Variants in AGAP3 observed in about 807,000 individuals in gnomAD.
AGAP3 encodes ArfGAP with GTPase domain, ankyrin repeat and PH domain 3.
Under a neutral mutation model 96.9 loss-of-function variants are expected in AGAP3, and 24 were observed. The ratio of observed to expected loss-of-function variants is 0.25; its 90% CI spans 0.18 to 0.35. The LOEUF (loss-of-function observed/expected upper bound fraction) is 0.35. Ranked by LOEUF, AGAP3 falls within the 10% of genes least tolerant of loss-of-function variation. AGAP3 has a pLI of 1.00. For synonymous variants in AGAP3, 563 were observed against 536.1 expected (o/e 1.05, Z -0.69); for missense variants, 876 against 1,254.2 (o/e 0.70, Z 4.55).
Position 151,118,415 on chromosome 7 carries a change from G to A in AGAP3, c.841+71G>A. The A allele has an allele frequency of 6.3e-7, 1 of 1,596,634 alleles. No homozygotes were observed. The highest frequency in any genetic ancestry group is 2.2e-5 in the East Asian group (1 of 44,490). ...TGCTGGCGATAGGAAGGCTCCCAGTGAGAGCAAGGCTGTGTGTCTGGGGGG... is the reference window on the plus strand; with the variant it reads ...TGCTGGCGATAGGAAGGCTCCCAGTAAGAGCAAGGCTGTGTGTCTGGGGGG... On this transcript the variant is annotated intron_variant, in intron 6 of 17. Transcript: ENST00000397238. The surrounding 1 kb of genome is among the most constrained non-coding windows in gnomAD (Gnocchi z 6.1).
At chr7:151,110,297 G>C (rs778569264) in intron 1 of AGAP3, among the ~76,000 whole-genome samples, 2 of 152,210 alleles carry the variant, frequency 1.3e-5, no homozygotes, top group Admixed American at 6.5e-5. Context: ...CTGTTGTGGG[G>C]GCACTTGCTG....
At chr7:151,089,314 C>T (rs920100580) in intron 1 of AGAP3, among the ~76,000 whole-genome samples, 20 of 152,238 alleles carry the variant, frequency 1.3e-4, no homozygotes, top group African/African-American at 3.9e-4. Context: ...ACTCCCTGGG[C>T]GTTTCCGAGC....
At position 151,114,623 on chromosome 7, in the gene AGAP3, G is replaced by C; in HGVS notation, c.332-2170G>C. On this transcript the variant is annotated intron_variant, in intron 1 of 17. Coordinates refer to ENST00000397238, the MANE Select transcript of AGAP3 (RefSeq NM_031946.7). This position sits in a 1 kb window ranked among gnomAD's most constrained non-coding sequence, Gnocchi z 4.4. ...CGGCCTCTCCAGGTCTGGGCTTGCC[G>C]GCCGCGAGGTGGAGGAGTTGAGGGA... The C allele has an allele frequency of 1.3e-6, 1 of 779,288 alleles. No individual in the cohort carries two copies. The highest frequency in any genetic ancestry group is 5.8e-5 in the South Asian group (1 of 17,258). The allele number at this position is 779,288 out of a possible 1,614,324, so 48.3% of individuals were successfully genotyped here.
At chr7:151,128,905 C>T (rs527474875) in intron 10 of AGAP3, among the ~76,000 whole-genome samples, 7 of 152,324 alleles carry the variant, frequency 4.6e-5, no homozygotes, top group Middle Eastern at 3.4e-3. Context: ...GCTGTATATC[C>T]GACTTTCCAG....
At chr7:151,130,825 C>T (rs1173834445) in intron 10 of AGAP3, among the ~76,000 whole-genome samples, 4 of 152,008 alleles carry the variant, frequency 2.6e-5, no homozygotes, top group Admixed American at 6.5e-5. Flanking sequence ...CCACCACCCC[C>T]GCCACACTTT....
At chr7:151,099,199 C>T (rs1469214980) in intron 1 of AGAP3, among the ~76,000 whole-genome samples, 4 of 151,660 alleles carry the variant, frequency 2.6e-5, no homozygotes, top group South Asian at 2.1e-4. Context: ...AAAAATTAGC[C>T]GGGCATGGTG....
rs949954266 is a variant in AGAP3, at chr7:151,087,148, G to C, written c.331+76G>C. ...GCCGGCCGAGGGCTCCACAGGCCGT[G>C]CCTGGCCATGCTCTCCCTGTCGGGG... On this transcript the variant is annotated intron_variant, in intron 1 of 17. Transcript: ENST00000397238. 7.6e-6 allele frequency: 11 copies of C among 1,447,754 alleles called. No homozygotes were observed. The African/African-American group carries it at 1.6e-4, about 20-fold the overall frequency. The allele number at this position is 1,447,754 out of a possible 1,614,324, so 89.7% of individuals were successfully genotyped here.
At chr7:151,101,952 G>C (rs964138765) in intron 1 of AGAP3, among the ~76,000 whole-genome samples, 1 of 152,202 alleles carries the variant, frequency 6.6e-6, no homozygotes, top group Non-Finnish European at 1.5e-5. Context: ...CTGAACCTGG[G>C]GGCAGTGGTG....
chr7:151,140,139 C>G lies in AGAP3; in HGVS notation c.1804+23C>G. 1 of 1,557,630 alleles carries G rather than the reference C, an allele frequency of 6.4e-7. No individual in the cohort carries two copies. The highest frequency in any genetic ancestry group is 8.7e-7 in the Non-Finnish European group (1 of 1,153,676). On this transcript the variant is annotated intron_variant, in intron 13 of 17. Transcript: ENST00000397238. This position sits in a 1 kb window ranked among gnomAD's most constrained non-coding sequence, Gnocchi z 5.4. ...AAGGTTAGGGGGACCCAGAGGGAAA[C>G]CGGGCACAGGAGGTGGGCAGTGGGA...
rs560039891 is a variant in AGAP3, at chr7:151,122,586, TCTC to T, written c.1129-1189_1129-1187del. The stretch of plus-strand genomic sequence containing the variant: ...TTGTCCTTCTCCTCTTCCTCGTCCT[TCTC>T]CTCCTCCTCCTCCTCCTCTTCATCC... On this transcript the variant is annotated intron_variant, in intron 8 of 17. Transcript: ENST00000397238. 4.2e-3 allele frequency: 3,778 copies of T among 893,040 alleles called. 1 individual carries two copies. Among genetic ancestry groups the T allele is most frequent in the East Asian group, 5.6e-3 (199 of 35,822 alleles). 55.3% of individuals were successfully genotyped at this position (893,040 alleles called of 1,614,324 possible).
intron 1 of AGAP3, chr7:151,115,732 T>G (rs1393903244): frequency 1.2e-6 from 1 of 842,066 alleles, no homozygotes; most frequent in East Asian, 7.2e-5. Flanking sequence ...GCCGCGCGCG[T>G]CCGGGGCTGG....
Position 151,086,827 on chromosome 7 carries a change from A to G in AGAP3, c.86A>G (p.Gln29Arg), listed in dbSNP as rs1180425222. 2.6e-5 allele frequency: 21 copies of G among 806,920 alleles called. 1 individual carries two copies. Among genetic ancestry groups the G allele is most frequent in the African/African-American group, 6.5e-5 (1 of 15,438 alleles). 50.0% of individuals were successfully genotyped at this position (806,920 alleles called of 1,614,324 possible). ...GGGGGCGGCGGCGCTGCCGCGCAGC[A>G]GCTCGTCTGCGGCGGGCAGTTCGGC... ...APGGGGAAAQ[Q>R]LVCGGQFGGA... The change falls in exon 1 of 18, where the codon CAG (glutamine) becomes CGG (arginine). Residue 29 changes from glutamine (Q) to arginine (R), a missense_variant. Transcript: ENST00000397238.
chr7:151,129,833 G>T (rs1448604230), intron 10 of AGAP3, among the ~76,000 whole-genome samples: 2 of 152,204 alleles, frequency 1.3e-5, no homozygotes, highest in Non-Finnish European at 2.9e-5. Context: ...GCGCTCTGCG[G>T]GTACCAGGCT....
rs1428948693 is a variant in AGAP3, at chr7:151,114,966, G to C, written c.332-1827G>C. On this transcript the variant is annotated intron_variant, in intron 1 of 17. Transcript: ENST00000397238. This position sits in a 1 kb window ranked among gnomAD's most constrained non-coding sequence, Gnocchi z 4.4. ...GCGGAGCGTGTGCTCGGGCGGCCCG[G>C]AGCCGCCGCCCACCGGCGCCCGCGG... 19 of 982,666 alleles carry C rather than the reference G, an allele frequency of 1.9e-5. No homozygotes were observed. Among genetic ancestry groups the C allele is most frequent in the Admixed American group, 1.9e-4 (3 of 15,826 alleles). The allele number at this position is 982,666 out of a possible 1,614,324, so 60.9% of individuals were successfully genotyped here. A position where few individuals can be genotyped will look rare whatever the true frequency, so the allele number is the denominator to read the frequency against.
intron 1 of AGAP3, among the ~76,000 whole-genome samples, chr7:151,098,970 A>G (rs1270957803): frequency 6.6e-6 from 1 of 151,758 alleles, no homozygotes; most frequent in Admixed American, 6.6e-5. Context: ...TCCTGACCAC[A>G]GGCAGTCCAC....
chr7:151,092,058 C>T (rs1280731708), intron 1 of AGAP3, among the ~76,000 whole-genome samples: 1 of 152,118 alleles, frequency 6.6e-6, no homozygotes, highest in African/African-American at 2.4e-5. Flanking sequence ...ATGCTTTCTC[C>T]AGTATTTATT....
At chr7:151,115,078 C>T (rs1319892076) in intron 1 of AGAP3, 8 of 1,020,398 alleles carry the variant, frequency 7.8e-6, no homozygotes, top group Non-Finnish European at 9.3e-6. Flanking sequence ...CCCAGCCCCG[C>T]GTCCAGCCCC....
chr7:151,143,459 C>T lies in AGAP3; in HGVS notation c.2392C>T (p.Leu798=). 2 of 1,614,226 alleles carry T rather than the reference C, an allele frequency of 1.2e-6. No homozygotes were observed. Among genetic ancestry groups the T allele is most frequent in the South Asian group, 1.1e-5 (1 of 91,090 alleles). Reference sequence around the variant, plus strand: ...GCTCCGGGCCGTGGTGGAAGATGACCTGCGGCTGTTGGTGATGCTCCTGGC... The same window carrying T: ...GCTCCGGGCCGTGGTGGAAGATGACTTGCGGCTGTTGGTGATGCTCCTGGC... ...QLLRAVVEDD[L]RLLVMLLAHG... Residue 798 remains leucine, a synonymous_variant, in exon 17 of 18, where the codon CTG becomes TTG. Coordinates refer to ENST00000397238, the MANE Select transcript of AGAP3 (RefSeq NM_031946.7). This position sits in a 1 kb window ranked among gnomAD's most constrained non-coding sequence, Gnocchi z 5.9.
Position 151,140,080 on chromosome 7 carries a change from A to AC in AGAP3, c.1774dup (p.Arg592ProfsTer10), listed in dbSNP as rs751908556. On this transcript the variant is annotated frameshift_variant, in exon 13 of 18. Coordinates refer to ENST00000397238, the MANE Select transcript of AGAP3 (RefSeq NM_031946.7). LOFTEE classifies it high-confidence loss of function. The surrounding 1 kb of genome is among the most constrained non-coding windows in gnomAD (Gnocchi z 5.4). ...GCACCGGAGGAAAAAGAGCACCGGGACCCCCCGACCAGACGGCCCCAGCAG... is the reference window on the plus strand; with the variant it reads ...GCACCGGAGGAAAAAGAGCACCGGGACCCCCCCGACCAGACGGCCCCAGCAG... The AC allele has an allele frequency of 2.5e-6, 4 of 1,603,554 alleles. No individual in the cohort carries two copies. The highest frequency in any genetic ancestry group is 2.2e-5 in the South Asian group (2 of 89,088).
Sources: allele counts gnomAD v4.1 joint callset (sites outside exome capture counted in the v4.1 genomes callset), GRCh38; gene constraint gnomAD v4.1.1; non-coding constraint Gnocchi (gnomAD v3.1); transcripts MANE v1.5; gene names NCBI Gene and HGNC (gene_info 2026-07-23, HGNC 2026-07-21).